Variants in GABRA4 observed in about 807,000 individuals in gnomAD.
The protein encoded by GABRA4 is gamma-aminobutyric acid type A receptor subunit alpha4.
In GABRA4, 12 loss-of-function variants were observed where a neutral mutation model predicts 49.7. That is an observed-to-expected ratio of 0.24 (90% CI 0.15 to 0.39). The LOEUF (loss-of-function observed/expected upper bound fraction) is 0.39. Ranked by LOEUF, GABRA4 falls within the 10% of genes least tolerant of loss-of-function variation. The pLI is 1.00. For missense variants in GABRA4, 506 were observed against 686.0 expected (o/e 0.74, Z 2.93); for synonymous variants, 288 against 240.2 (o/e 1.20, Z -1.84).
chr4:46,986,326 C>T (rs1723535782), intron 2 of GABRA4, among the ~76,000 whole-genome samples: 1 of 152,060 alleles, frequency 6.6e-6, no homozygotes, highest in Non-Finnish European at 1.5e-5. Flanking sequence ...AAAACTGCTC[C>T]ATCAAAACAG....
chr4:46,925,674 G>C lies in GABRA4; in HGVS notation c.*2551C>G, dbSNP rs1721195238. 6.7e-6 allele frequency: 1 copy of C among 149,884 alleles called. No homozygotes were observed. The highest frequency in any genetic ancestry group is 2.1e-4 in the South Asian group (1 of 4,792). 9.3% of individuals were successfully genotyped at this position (149,884 alleles called of 1,614,324 possible). A position where few individuals can be genotyped will look rare whatever the true frequency, so the allele number is the denominator to read the frequency against. ...AATAATGACCAAAATAAAAATCACT[G>C]AATGAATTTGATGAAATTCAGTTAA... On this transcript the variant is annotated 3_prime_UTR_variant, in exon 9 of 9. Transcript: ENST00000264318.
At chr4:46,964,441 T>C (rs1722682051) in intron 8 of GABRA4, among the ~76,000 whole-genome samples, 1 of 151,836 alleles carries the variant, frequency 6.6e-6, no homozygotes. Flanking sequence ...ACTCAAATAA[T>C]AAATACTTGA....
In GABRA4 at chr4:46,943,529, C is replaced by T. The variant is rs76439792; in HGVS notation, c.1135-14774G>A. Among the ~76,000 whole-genome samples the T allele has an allele frequency of 4.1e-3, 623 of 152,166 alleles. 5 individuals are homozygous for T. The highest frequency in any genetic ancestry group is 6.3e-3 in the Non-Finnish European group (428 of 68,006). On this transcript the variant is annotated intron_variant, in intron 8 of 8. Transcript: ENST00000264318. ...CAATTTCTTATTAAAACTTTTTCAG[C>T]GGCACCTGATTGTTTTCAGGGGAAA...
At chr4:46,983,436 T>C (rs1034877556) in intron 2 of GABRA4, among the ~76,000 whole-genome samples, 2 of 152,080 alleles carry the variant, frequency 1.3e-5, no homozygotes, top group African/African-American at 4.8e-5. Flanking sequence ...CTTGCACATA[T>C]TAGGCGTTGA....
intron 2 of GABRA4, among the ~76,000 whole-genome samples, chr4:46,986,474 C>T (rs1723541655): frequency 6.6e-6 from 1 of 151,920 alleles, no homozygotes; most frequent in Non-Finnish European, 1.5e-5. Context: ...TATACACACT[C>T]CCTTGGTTTT....
chr4:46,951,308 T>C (rs1244687928), intron 8 of GABRA4, among the ~76,000 whole-genome samples: 2 of 149,952 alleles, frequency 1.3e-5, no homozygotes, highest in Non-Finnish European at 3.0e-5. Flanking sequence ...ATATACTATG[T>C]ATTTATAATT....
chr4:46,937,957 G>C (rs779415080), intron 8 of GABRA4, among the ~76,000 whole-genome samples: 5 of 152,096 alleles, frequency 3.3e-5, no homozygotes, highest in Non-Finnish European at 5.9e-5. Context: ...GTATGTTTCT[G>C]TGTGTATGTG....
At chr4:46,950,489 C>T (rs1489390038) in intron 8 of GABRA4, among the ~76,000 whole-genome samples, 1 of 151,902 alleles carries the variant, frequency 6.6e-6, no homozygotes, top group East Asian at 1.9e-4. Flanking sequence ...CAGAGCTGGG[C>T]CTCACCTTTA....
At chr4:46,951,945 G>A (rs2109359048) in intron 8 of GABRA4, among the ~76,000 whole-genome samples, 1 of 152,014 alleles carries the variant, frequency 6.6e-6, no homozygotes, top group Non-Finnish European at 1.5e-5. Context: ...CCTAAGAATG[G>A]CCTTCTCTCT....
chr4:46,972,841 A>T (rs1230505354), intron 6 of GABRA4, among the ~76,000 whole-genome samples: 1 of 151,478 alleles, frequency 6.6e-6, no homozygotes. Flanking sequence ...CCTTCACAAC[A>T]CTGCTTTATC....
chr4:46,972,408 T>G (rs1265838153), intron 6 of GABRA4, among the ~76,000 whole-genome samples: 1 of 151,570 alleles, frequency 6.6e-6, no homozygotes, highest in Admixed American at 6.6e-5. Context: ...AAATTTCTAT[T>G]TTATCTTATT....
Position 46,927,974 on chromosome 4 carries a change from A to G in GABRA4, c.*251T>C, listed in dbSNP as rs766610159. The G allele has an allele frequency of 2.6e-5, 8 of 313,132 alleles. No individual in the cohort carries two copies. The highest frequency in any genetic ancestry group is 9.7e-4 in the Middle Eastern group (1 of 1,032). 19.4% of individuals were successfully genotyped at this position (313,132 alleles called of 1,614,324 possible). ...TAATAGCTCTATTTCTCTTATCCCA[A>G]CTTTCCAGGATGGTGTGTATTCTAT... On this transcript the variant is annotated 3_prime_UTR_variant, in exon 9 of 9. Coordinates refer to ENST00000264318, the MANE Select transcript of GABRA4 (RefSeq NM_000809.4).
intron 8 of GABRA4, among the ~76,000 whole-genome samples, chr4:46,944,211 A>G (rs764863308): frequency 1.3e-5 from 2 of 152,162 alleles, no homozygotes; most frequent in Non-Finnish European, 2.9e-5. Context: ...TTCACCATGT[A>G]CATGTATGTC....
intron 8 of GABRA4, among the ~76,000 whole-genome samples, chr4:46,955,771 G>A (rs1395637042): frequency 6.6e-6 from 1 of 152,070 alleles, no homozygotes; most frequent in Admixed American, 6.6e-5. Context: ...AAATCTGGCA[G>A]TAAGTATACT....
intron 2 of GABRA4, among the ~76,000 whole-genome samples, chr4:46,988,273 T>C (rs1474361846): frequency 2.0e-5 from 3 of 152,182 alleles, no homozygotes; most frequent in Non-Finnish European, 4.4e-5. Context: ...TTTGTTATAT[T>C]CATCTCTCTA....
chr4:46,950,296 G>A (rs1722125867), intron 8 of GABRA4, among the ~76,000 whole-genome samples: 2 of 151,992 alleles, frequency 1.3e-5, no homozygotes, highest in Admixed American at 1.3e-4. Context: ...GCCCCCATTA[G>A]GCCCAGGCAC....
intron 3 of GABRA4, among the ~76,000 whole-genome samples, chr4:46,978,195 G>T (rs1041045398): frequency 6.6e-6 from 1 of 151,996 alleles, no homozygotes; most frequent in Non-Finnish European, 1.5e-5. Context: ...CAACTGTATG[G>T]ATGAATTCTT....
chr4:46,971,138 A>C lies in GABRA4; in HGVS notation c.819T>G (p.Leu273=). The C allele has an allele frequency of 6.2e-7, 1 of 1,609,740 alleles. No individual in the cohort carries two copies. Among genetic ancestry groups the C allele is most frequent in the South Asian group, 1.1e-5 (1 of 90,922 alleles). ...TATTTATCCAAAATGAAACTTGAGA[A>C]AGAATCACTGTCATAATGCACGGAA... is the stretch of plus-strand genomic sequence containing the variant. The part of the protein sequence containing the change: ...TYIPCIMTVI[L]SQVSFWINKE... Residue 273 remains leucine (L), a synonymous_variant, in exon 7 of 9, where the codon CTT becomes CTG. Transcript: ENST00000264318.
At position 46,977,588 on chromosome 4, in the gene GABRA4, T is replaced by C. The variant is rs754281136; in HGVS notation, c.316A>G (p.Lys106Glu). 52 of 1,612,920 alleles carry C rather than the reference T, an allele frequency of 3.2e-5. No individual in the cohort carries two copies. The highest frequency in any genetic ancestry group is 4.3e-5 in the Non-Finnish European group (51 of 1,179,420). Residue 106 changes from lysine (K) to glutamate (E), a missense_variant, in exon 4 of 9, where the codon AAA becomes GAA. Around this residue, in one of 5 missense-constraint regions of GABRA4, gnomAD observed 195 missense variants for 326.0 expected, o/e 0.60. Coordinates refer to ENST00000264318, the MANE Select transcript of GABRA4 (RefSeq NM_000809.4). ...ATGGGGCCGTCATATTTTAATCTTT[T>C]GTCAATCCATGTCTGCCTGAAGAAC... ...DVFFRQTWID[K>E]RLKYDGPIEI...
Sources: gnomAD v4.1 joint callset for allele counts (sites outside exome capture counted in the v4.1 genomes callset) on GRCh38, gnomAD v4.1.1 for gene constraint, gnomAD v4.1.1 regional missense constraint, MANE v1.5 for transcripts, NCBI Gene and HGNC (gene_info 2026-07-23, HGNC 2026-07-21) for gene names.